COMMD10: variants seen among roughly 807,000 people sequenced by gnomAD.
The protein encoded by COMMD10 is COMM domain-containing protein 10.
COMMD10 carries 33 observed loss-of-function variants against 28.9 expected under a neutral mutation model. The ratio of observed to expected loss-of-function variants is 1.14; its 90% CI spans 0.87 to 1.53. COMMD10 has a LOEUF of 1.53. Among genes scored for constraint, COMMD10 ranks in the 40% most tolerant of loss-of-function variants. The pLI, the probability that COMMD10 is intolerant of heterozygous loss-of-function variation, is 0.00. For missense variants in COMMD10, 310 were observed against 233.4 expected (o/e 1.33, Z -2.14); for synonymous variants, 110 against 81.7 (o/e 1.35, Z -1.87).
intron 5 of COMMD10, among the ~76,000 whole-genome samples, chr5:116,250,101 G>C (rs994841564): frequency 3.3e-5 from 5 of 151,464 alleles, no homozygotes; most frequent in African/African-American, 1.2e-4. Context: ...TCTCTGTTTT[G>C]AAAGAAATCT....
intron 5 of COMMD10, among the ~76,000 whole-genome samples, chr5:116,238,895 C>T (rs544462857): frequency 9.9e-5 from 15 of 152,188 alleles, no homozygotes; most frequent in Non-Finnish European, 1.8e-4. Context: ...GTTGTTTAGA[C>T]GAACGATTTG....
At chr5:116,132,696 T>C (rs1306213240) in intron 4 of COMMD10, among the ~76,000 whole-genome samples, 2 of 152,160 alleles carry the variant, frequency 1.3e-5, no homozygotes, top group Admixed American at 6.5e-5. Context: ...AGAATGGTTA[T>C]GACATTTATT....
intron 5 of COMMD10, among the ~76,000 whole-genome samples, chr5:116,275,265 A>G (rs1174264886): frequency 6.6e-6 from 1 of 151,876 alleles, no homozygotes; most frequent in East Asian, 1.9e-4. Flanking sequence ...AGTTCAAGCC[A>G]CCATCATCAC....
rs1249222786 is a variant in COMMD10 at position 116,272,054 on chromosome 5, A to C, written c.511-19463A>C. On this transcript the variant is annotated intron_variant, in intron 5 of 6. Transcript: ENST00000274458. ...GAGGGTACTTCAAAAAGGTCAAGGA[A>C]AAATTGAATTAAAATATAAAAATAA... Among the ~76,000 whole-genome samples the C allele has an allele frequency of 1.3e-5, 2 of 151,878 alleles. 1 individual carries two copies. The highest frequency in any genetic ancestry group is 4.9e-5 in the African/African-American group (2 of 41,174).
intron 5 of COMMD10, among the ~76,000 whole-genome samples, chr5:116,285,067 G>C (rs1032160692): frequency 2.0e-5 from 3 of 151,808 alleles, no homozygotes; most frequent in African/African-American, 7.3e-5. Context: ...TGACTTCCTA[G>C]TTATAGTCCT....
chr5:116,231,086 C>T (rs1749516929), intron 5 of COMMD10, among the ~76,000 whole-genome samples: 1 of 152,132 alleles, frequency 6.6e-6, no homozygotes, highest in African/African-American at 2.4e-5. Flanking sequence ...CCTATCACTC[C>T]ATACTCTTAA....
chr5:116,184,384 T>C (rs1748073378), intron 5 of COMMD10, among the ~76,000 whole-genome samples: 1 of 152,038 alleles, frequency 6.6e-6, no homozygotes, highest in African/African-American at 2.4e-5. Flanking sequence ...TGATTTGGGC[T>C]TCTTTTTCTC....
At chr5:116,183,189 A>G (rs1748029522) in intron 5 of COMMD10, among the ~76,000 whole-genome samples, 1 of 152,146 alleles carries the variant, frequency 6.6e-6, no homozygotes, top group African/African-American at 2.4e-5. Context: ...GAAATAAATT[A>G]CCATGGGCAT....
intron 5 of COMMD10, among the ~76,000 whole-genome samples, chr5:116,177,763 T>C (rs2112591447): frequency 6.6e-6 from 1 of 152,300 alleles, no homozygotes; most frequent in Middle Eastern, 3.4e-3. Context: ...CTACCTTGTT[T>C]GCCCAAACCT....
chr5:116,207,809 A>G (rs1380910422), intron 5 of COMMD10, among the ~76,000 whole-genome samples: 4 of 152,134 alleles, frequency 2.6e-5, no homozygotes, highest in African/African-American at 9.7e-5. Context: ...GTGAGCCACC[A>G]TGCCCTGCCA....
intron 4 of COMMD10, among the ~76,000 whole-genome samples, chr5:116,101,009 C>T (rs1247336937): frequency 6.6e-6 from 1 of 152,154 alleles, no homozygotes; most frequent in African/African-American, 2.4e-5. Flanking sequence ...CTTTCTGTGT[C>T]TGACTTGTTT....
At chr5:116,252,004 TGGCAA>T (rs55885663) in intron 5 of COMMD10, among the ~76,000 whole-genome samples, 142,047 of 144,984 alleles carry the variant, frequency 0.98, 69,737 homozygotes, top group South Asian at 1. Context: ...TGTGAGAAGG[TGGCAA>T]ATCTCATTGT....
chr5:116,171,055 C>T (rs1284061324), intron 5 of COMMD10, among the ~76,000 whole-genome samples: 1 of 152,266 alleles, frequency 6.6e-6, no homozygotes, highest in South Asian at 2.1e-4. Flanking sequence ...AGACTAGCTA[C>T]AGAATGAGAA....
rs200096731 is a variant in COMMD10, at chr5:116,292,443, G to C, written c.571-8G>C. On this transcript the variant is annotated splice_polypyrimidine_tract_variant and splice_region_variant and intron_variant, in intron 6 of 6. Coordinates refer to ENST00000274458, the MANE Select transcript of COMMD10 (RefSeq NM_016144.4). ...AACGTCTTTTTTTTTTTTTGTCTTT[G>C]TAAATAGCTAGAGACTATACAAGCA... 4.0e-5 allele frequency: 55 copies of C among 1,362,338 alleles called. No individual in the cohort carries two copies. Among genetic ancestry groups the C allele is most frequent in the Non-Finnish European group, 5.0e-5 (52 of 1,041,556 alleles). The allele number at this position is 1,362,338 out of a possible 1,614,324, so 84.4% of individuals were successfully genotyped here.
chr5:116,248,876 C>T (rs938496883), intron 5 of COMMD10, among the ~76,000 whole-genome samples: 1 of 151,834 alleles, frequency 6.6e-6, no homozygotes, highest in African/African-American at 2.4e-5. Context: ...AATTTCTCAC[C>T]ATGCATATTA....
intron 5 of COMMD10, among the ~76,000 whole-genome samples, chr5:116,209,706 G>A (rs543126928): frequency 6.6e-6 from 1 of 152,040 alleles, no homozygotes; most frequent in Non-Finnish European, 1.5e-5. Flanking sequence ...TAGCGTGCTT[G>A]TTAAAGTATT....
chr5:116,138,580 A>G (rs1311948007), intron 5 of COMMD10, among the ~76,000 whole-genome samples: 2 of 151,670 alleles, frequency 1.3e-5, no homozygotes, highest in Non-Finnish European at 3.0e-5. Context: ...AGGGATTCCA[A>G]ATTTTATTTG....
At chr5:116,216,941 G>T (rs1316889249) in intron 5 of COMMD10, among the ~76,000 whole-genome samples, 1 of 151,824 alleles carries the variant, frequency 6.6e-6, no homozygotes, top group African/African-American at 2.4e-5. Context: ...TGTATTTTTA[G>T]TCCAAAAAAA....
rs188225468 is a variant in COMMD10, at chr5:116,256,997, A to C, written c.511-34520A>C. Among the ~76,000 whole-genome samples the C allele has an allele frequency of 3.9e-5, 6 of 151,934 alleles. No individual in the cohort carries two copies. In the East Asian group the frequency reaches 1.2e-3, roughly 29 times the overall value. The stretch of plus-strand genomic sequence containing the variant: ...CAGAGTAACTAAGCAGCATAATAGC[A>C]TCAAACAATGGCAGGCTTTCATACT... On this transcript the variant is annotated intron_variant, in intron 5 of 6. Coordinates refer to ENST00000274458, the MANE Select transcript of COMMD10 (RefSeq NM_016144.4).
Sources: gnomAD v4.1 joint callset for allele counts (sites outside exome capture counted in the v4.1 genomes callset) on GRCh38, gnomAD v4.1.1 for gene constraint, MANE v1.5 for transcripts, NCBI Gene and HGNC (gene_info 2026-07-23, HGNC 2026-07-21) for gene names.